The following ABCC8 variants were observed in gnomAD, a reference collection of about 807,000 sequenced individuals.
ABCC8 encodes the protein ATP binding cassette subfamily C member 8, also known as ATP-binding cassette sub-family C member 8.
Under a neutral mutation model 188.0 loss-of-function variants are expected in ABCC8, and 137 were observed. That is an observed-to-expected ratio of 0.73 (90% CI 0.63 to 0.84). The LOEUF is 0.84. Ranked by LOEUF, ABCC8 falls within the 40% of genes least tolerant of loss-of-function variation. The probability of loss-of-function intolerance (pLI) is 0.00; values close to 1 mark genes in which losing one functional copy is unlikely to be tolerated. For synonymous variants in ABCC8, 797 were observed against 846.5 expected (o/e 0.94, Z 1.01); for missense variants, 1,750 against 2,072.7 (o/e 0.84, Z 3.02).
At chr11:17,457,195 T>C (rs1236182208) in intron 6 of ABCC8, among the ~76,000 whole-genome samples, 1 of 152,080 alleles carries the variant, frequency 6.6e-6, no homozygotes, top group Non-Finnish European at 1.5e-5. Context: ...GAAACACCAA[T>C]GCATATACAC....
chr11:17,426,718 T>C (rs1454884869), intron 16 of ABCC8, among the ~76,000 whole-genome samples: 1 of 152,246 alleles, frequency 6.6e-6, no homozygotes, highest in East Asian at 1.9e-4. Flanking sequence ...GAACTGAGTT[T>C]CAATTCCAGC....
intron 12 of ABCC8, chr11:17,429,622 A>C (rs1955754013): frequency 6.6e-6 from 1 of 152,200 alleles, no homozygotes; most frequent in Non-Finnish European, 1.5e-5. Flanking sequence ...TGGGATCCAG[A>C]GTGTTTGAAA....
intron 7 of ABCC8, 125 bp from the exon 8 acceptor site, chr11:17,448,796 C>T: frequency 6.6e-7 from 1 of 1,508,482 alleles, no homozygotes; most frequent in Non-Finnish European, 9.1e-7. Context: ...TAGAGCAGCT[C>T]TGTAAGGTGG....
At chr11:17,405,292 C>G (rs1255187931) in intron 27 of ABCC8, among the ~76,000 whole-genome samples, 1 of 152,264 alleles carries the variant, frequency 6.6e-6, no homozygotes, top group African/African-American at 2.4e-5. Context: ...CTAAAGGGAT[C>G]TGGTTTCCCT....
intron 19 of ABCC8, 130 bp downstream of exon 19, chr11:17,414,382 A>T: frequency 1.6e-6 from 2 of 1,288,064 alleles, no homozygotes; most frequent in Non-Finnish European, 2.2e-6. Flanking sequence ...GAGAGGCTGG[A>T]GTGCAGGTAA....
chr11:17,432,652 A>G (rs1459573183), intron 10 of ABCC8, among the ~76,000 whole-genome samples: 1 of 152,188 alleles, frequency 6.6e-6, no homozygotes, highest in Non-Finnish European at 1.5e-5. Context: ...CAGGCTCTCT[A>G]TGAAGCTTAG....
intron 10 of ABCC8, among the ~76,000 whole-genome samples, chr11:17,436,954 G>A (rs1956123877): frequency 1.3e-5 from 2 of 152,008 alleles, no homozygotes; most frequent in Admixed American, 1.3e-4. Context: ...AGCCAGGCGT[G>A]GTGGCGCATA....
chr11:17,461,660 C>T lies in ABCC8; in HGVS notation c.745G>A (p.Ala249Thr), dbSNP rs1957195090. The change falls in exon 5 of 39, where the codon GCC becomes ACC. Residue 249 changes from alanine to threonine, a missense_variant. Physicochemically the swap from Ala to Thr is moderately conservative, Grantham distance 58. Coordinates refer to ENST00000389817, the MANE Select transcript of ABCC8 (RefSeq NM_000352.6). ...TAHKKPIDLR[A>T]IGKLPIAMRA... ...ATGGCGATGGGCAGCTTCCCGATGGCTCGCAAGTCGATGGGCTTCTTGTGG... is the reference window on the plus strand; with the variant it reads ...ATGGCGATGGGCAGCTTCCCGATGGTTCGCAAGTCGATGGGCTTCTTGTGG... 6 of 1,614,136 alleles carry T rather than the reference C, an allele frequency of 3.7e-6. No homozygotes were observed. The highest frequency in any genetic ancestry group is 4.2e-6 in the Non-Finnish European group (5 of 1,180,058).
At chr11:17,469,806 GC>G (rs1436577594) in intron 3 of ABCC8, among the ~76,000 whole-genome samples, 2 of 152,092 alleles carry the variant, frequency 1.3e-5, no homozygotes, top group Non-Finnish European at 2.9e-5. Flanking sequence ...AGTTACCACA[GC>G]CCTTCCCTGA....
Position 17,393,068 on chromosome 11 carries a change from GGATGGCACCCCGCTTCAGGAC to G in ABCC8, c.4648_4668del (p.Val1550_Ile1556del). Reference sequence around the variant, plus strand: ...AGCTTCTCTGGCTTATCGAACTCAAGGATGGCACCCCGCTTCAGGACGATCACCAGGTCTGCACTCAGGATG... The same window carrying G: ...AGCTTCTCTGGCTTATCGAACTCAAGGATCACCAGGTCTGCACTCAGGATG... On this transcript the variant is annotated inframe_deletion, in exon 39 of 39. Coordinates refer to ENST00000389817, the MANE Select transcript of ABCC8 (RefSeq NM_000352.6). The G allele has an allele frequency of 6.2e-7, 1 of 1,614,150 alleles. No individual in the cohort carries two copies. Among genetic ancestry groups the G allele is most frequent in the Non-Finnish European group, 8.5e-7 (1 of 1,180,040 alleles).
In ABCC8 at chr11:17,428,370, CCGGG is replaced by C. The variant is rs1487238267; in HGVS notation, c.1955_1958del (p.Ala652GlyfsTer56). On this transcript the variant is annotated frameshift_variant, in exon 14 of 39. Transcript: ENST00000389817. LOFTEE classifies it high-confidence loss of function. ...GGCCGGTGAGGCCCCGACAATCCTCCCGGGCTGGACGCTTGCGGTTCACAACCCT... is the reference window on the plus strand; with the variant it reads ...GGCCGGTGAGGCCCCGACAATCCTCCCTGGACGCTTGCGGTTCACAACCCT... 6.2e-7 allele frequency: 1 copy of C among 1,614,128 alleles called. No homozygotes were observed. Among genetic ancestry groups the C allele is most frequent in the African/African-American group, 1.3e-5 (1 of 75,056 alleles).
Position 17,397,318 on chromosome 11 carries a change from G to C in ABCC8, c.3868-5C>G. On this transcript the variant is annotated splice_polypyrimidine_tract_variant and splice_region_variant and intron_variant, in intron 31 of 38. Transcript: ENST00000389817. The stretch of plus-strand genomic sequence containing the variant: ...CCAGTTGAGGTAGTTGGAGACCTGT[G>C]GGGAGCAAGCCAGTGGCGCACACTC... The C allele has an allele frequency of 6.2e-7, 1 of 1,610,300 alleles. No individual in the cohort carries two copies. Among genetic ancestry groups the C allele is most frequent in the Non-Finnish European group, 8.5e-7 (1 of 1,179,986 alleles).
At chr11:17,428,102 C>T in intron 14 of ABCC8, 160 bp from the exon 15 acceptor site, 1 of 1,575,796 alleles carries the variant, frequency 6.3e-7, no homozygotes, top group Non-Finnish European at 8.6e-7. Flanking sequence ...CCTTCTCATG[C>T]TGACCCTTGC....
chr11:17,468,789 G>A (rs1340128079), intron 3 of ABCC8, among the ~76,000 whole-genome samples: 2 of 152,184 alleles, frequency 1.3e-5, no homozygotes, highest in African/African-American at 4.8e-5. Flanking sequence ...CCAATAAGGA[G>A]GCTGGGGGAA....
chr11:17,401,216 G>C (rs1264254887), intron 29 of ABCC8, among the ~76,000 whole-genome samples: 1 of 152,226 alleles, frequency 6.6e-6, no homozygotes, highest in Non-Finnish European at 1.5e-5. Flanking sequence ...CAGTAATGTC[G>C]AGGGACCTGG....
intron 26 of ABCC8, chr11:17,406,398 A>C: frequency 1.7e-6 from 1 of 593,858 alleles, no homozygotes. Context: ...GGTAACAATT[A>C]AATGAGCTAA....
Position 17,443,256 on chromosome 11 carries a change from T to C in ABCC8, c.1389A>G (p.Gly463=), listed in dbSNP as rs373626245. 6.2e-7 allele frequency: 1 copy of C among 1,613,904 alleles called. No homozygotes were observed. Among genetic ancestry groups the C allele is most frequent in the African/African-American group, 1.3e-5 (1 of 74,836 alleles). ...YYILGVSALI[G]AAVIILLAPV... is the part of the protein sequence containing the mutation. ...GAGCCAGTAGAATGATGACAGCTGC[T>C]CCAATTAAGGCACTGACTCCGAGTA... The change falls in exon 9 of 39, where the codon GGA becomes GGG. Residue 463 remains glycine (G), a synonymous_variant. Transcript: ENST00000389817.
chr11:17,404,791 T>G lies in ABCC8; in HGVS notation c.3400-122A>C. The G allele has an allele frequency of 7.0e-7, 1 of 1,429,638 alleles. No homozygotes were observed. Among genetic ancestry groups the G allele is most frequent in the Non-Finnish European group, 9.5e-7 (1 of 1,050,476 alleles). 88.6% of individuals were successfully genotyped at this position (1,429,638 alleles called of 1,614,324 possible). ...GATCCTTTATTTTTTTGAGACTGAG[T>G]CTCACTGTTGCCCAGACTTGAGTGC... is the stretch of plus-strand genomic sequence containing the variant. On this transcript the variant is annotated intron_variant, in intron 27 of 38. Transcript: ENST00000389817. The surrounding 1 kb of genome is among the most constrained non-coding windows in gnomAD (Gnocchi z 4.7).
intron 6 of ABCC8, among the ~76,000 whole-genome samples, chr11:17,458,139 G>A (rs1270852515): frequency 4.6e-5 from 7 of 152,178 alleles, no homozygotes; most frequent in Admixed American, 2.6e-4. Flanking sequence ...GCGGACACTG[G>A]AGACTATATT....
Sources: gnomAD v4.1 joint callset for allele counts (sites outside exome capture counted in the v4.1 genomes callset) on GRCh38, gnomAD v4.1.1 for gene constraint, Gnocchi (gnomAD v3.1) non-coding constraint, MANE v1.5 for transcripts, NCBI Gene and HGNC (gene_info 2026-07-23, HGNC 2026-07-21) for gene names.